The following TMEM98 variants were observed in gnomAD, a reference collection of about 807,000 sequenced individuals.
TMEM98 encodes transmembrane protein 98.
In TMEM98, 18 loss-of-function variants were observed where a neutral mutation model predicts 25.0. That is an observed-to-expected ratio of 0.72 (90% CI 0.50 to 1.07). The LOEUF (loss-of-function observed/expected upper bound fraction) is 1.07. TMEM98 is among the 50% of genes least tolerant of loss of function. The pLI is 0.00. For missense variants in TMEM98, 241 were observed against 289.0 expected, an observed-to-expected ratio of 0.83 and a Z score of 1.20; for synonymous variants, 103 against 112.4, an observed-to-expected ratio of 0.92 and a Z score of 0.53.
chr17:32,933,094 G>A, intron 3 of TMEM98, 80 bp from the exon 4 acceptor site: 2 of 1,568,734 alleles, frequency 1.3e-6, no homozygotes, highest in South Asian at 1.2e-5. Flanking sequence ...TTCTTTTATG[G>A]TGTATGTGGG....
At chr17:32,928,449 G>A (rs2091444788) in intron 1 of TMEM98, among the ~76,000 whole-genome samples, 1 of 148,160 alleles carries the variant, frequency 6.7e-6, no homozygotes, top group African/African-American at 2.6e-5. Context: ...GCGGGCTGGG[G>A]GTCCCTCCCT....
In TMEM98 at chr17:32,936,409, C is replaced by T; in HGVS notation, c.375C>T (p.Val125=). Residue 125 remains valine (V), a synonymous_variant, in exon 6 of 8, where the codon GTC becomes GTT. Coordinates refer to ENST00000579849, the MANE Select transcript of TMEM98 (RefSeq NM_015544.3). ...CCAAGATGAAGACTTCAGCCAGTGT[C>T]AGCGACATCATTGTGGTGGCCAAGC... ...SGAKMKTSAS[V]SDIIVVAKRI... is the part of the protein sequence containing the mutation. The T allele has an allele frequency of 6.2e-7, 1 of 1,614,214 alleles. No individual in the cohort carries two copies.
At position 32,941,947 on chromosome 17, in the gene TMEM98, T is replaced by C. The variant is rs1598206035; in HGVS notation, c.*954T>C. The C allele has an allele frequency of 6.6e-6, 1 of 151,998 alleles. No individual in the cohort carries two copies. Among genetic ancestry groups the C allele is most frequent in the Non-Finnish European group, 1.5e-5 (1 of 68,058 alleles). The allele number at this position is 151,998 out of a possible 1,614,324, so 9.4% of individuals were successfully genotyped here. A position where few individuals can be genotyped will look rare whatever the true frequency, so the allele number is the denominator to read the frequency against. ...CGTGCGGCTGCTTGGTAGGCTGAGG[T>C]GGGAGGATCGCTTGAGCCCAGGAGG... On this transcript the variant is annotated 3_prime_UTR_variant, in exon 8 of 8. Coordinates refer to ENST00000579849, the MANE Select transcript of TMEM98 (RefSeq NM_015544.3).
Position 32,931,462 on chromosome 17 carries a change from A to T in TMEM98, c.-54-13A>T. ...TCTTGACCAGATCTGCTCTGACTTC[A>T]TGTTCTCTCAAGCTTTAGCCCATGA... is the stretch of plus-strand genomic sequence containing the variant. On this transcript the variant is annotated splice_polypyrimidine_tract_variant and intron_variant, in intron 2 of 7. Coordinates refer to ENST00000579849, the MANE Select transcript of TMEM98 (RefSeq NM_015544.3). The T allele has an allele frequency of 1.3e-6, 2 of 1,564,492 alleles. No individual in the cohort carries two copies. Among genetic ancestry groups the T allele is most frequent in the South Asian group, 1.2e-5 (1 of 84,100 alleles).
Position 32,940,681 on chromosome 17 carries a change from G to T in TMEM98, c.474-105G>T. On this transcript the variant is annotated intron_variant, in intron 7 of 7. Transcript: ENST00000579849. ...ATACCTACCAACATCCTAGGGAAGG[G>T]TGTGCAGTTTGGGGAATACTAGTCA... 2 of 1,036,012 alleles carry T rather than the reference G, an allele frequency of 1.9e-6. 1 individual carries two copies. The highest frequency in any genetic ancestry group is 3.1e-5 in the South Asian group (2 of 65,266). 64.2% of individuals were successfully genotyped at this position (1,036,012 alleles called of 1,614,324 possible). A position where few individuals can be genotyped will look rare whatever the true frequency, so the allele number is the denominator to read the frequency against.
intron 1 of TMEM98, among the ~76,000 whole-genome samples, chr17:32,929,207 CAGA>C (rs947867630): frequency 4.8e-4 from 73 of 152,130 alleles, no homozygotes; most frequent in African/African-American, 1.7e-3. Context: ...CTCACACACT[CAGA>C]AGCACACTCT....
intron 6 of TMEM98, among the ~76,000 whole-genome samples, chr17:32,937,316 A>G (rs953831209): frequency 6.6e-6 from 1 of 152,082 alleles, no homozygotes; most frequent in African/African-American, 2.4e-5. Flanking sequence ...CTCTGCCTCA[A>G]GATTAACCAA....
intron 1 of TMEM98, among the ~76,000 whole-genome samples, chr17:32,928,769 A>C (rs114277244): frequency 1.9e-3 from 284 of 146,378 alleles, no homozygotes; most frequent in African/African-American, 7.3e-3. Flanking sequence ...CAAGCACACT[A>C]AGAAACATTC....
At chr17:32,933,380 C>A in intron 4 of TMEM98, 75 bp downstream of exon 4, 1 of 1,585,854 alleles carries the variant, frequency 6.3e-7, no homozygotes, top group Non-Finnish European at 8.6e-7. Flanking sequence ...TGCCAGAGCA[C>A]TTAGCTGGCA....
At chr17:32,929,275 A>G (rs772692767) in intron 1 of TMEM98, among the ~76,000 whole-genome samples, 2 of 151,362 alleles carry the variant, frequency 1.3e-5, no homozygotes, top group Non-Finnish European at 2.9e-5. Context: ...CACTAACACA[A>G]ACACACACGG....
chr17:32,934,480 CT>C (rs1367755427), intron 5 of TMEM98, 156 bp downstream of exon 5: 23 of 708,458 alleles, frequency 3.2e-5, no homozygotes, highest in Non-Finnish European at 4.8e-5. Flanking sequence ...ACTTCCCCCC[CT>C]GCCTGGACTG....
intron 6 of TMEM98, among the ~76,000 whole-genome samples, chr17:32,936,854 T>C (rs1171973631): frequency 6.6e-6 from 1 of 152,220 alleles, no homozygotes; most frequent in African/African-American, 2.4e-5. Context: ...TGTTGGAGAC[T>C]AGCTTGGGGG....
chr17:32,934,100 G>A (rs1045112709), intron 4 of TMEM98, among the ~76,000 whole-genome samples, 191 bp from the exon 5 acceptor site: 1 of 152,192 alleles, frequency 6.6e-6, no homozygotes, highest in East Asian at 1.9e-4. Flanking sequence ...GGTGCAGGGA[G>A]GGGAAGGGAA....
At chr17:32,931,960 A>G (rs1285446839) in intron 3 of TMEM98, among the ~76,000 whole-genome samples, 2 of 152,160 alleles carry the variant, frequency 1.3e-5, no homozygotes, top group Non-Finnish European at 2.9e-5. Flanking sequence ...TAGCATTTGG[A>G]TAAGCCAAAT....
chr17:32,933,229 G>T lies in TMEM98; in HGVS notation c.187G>T (p.Glu63Ter). 1 of 1,614,188 alleles carries T rather than the reference G, an allele frequency of 6.2e-7. No homozygotes were observed. The highest frequency in any genetic ancestry group is 8.5e-7 in the Non-Finnish European group (1 of 1,180,034). ...GACCCAGTCTGAGCCCTCTGAGTTA[G>T]AACTGGACGATGTCGTTATCACCAA... ...METQSEPSEL[E>*]LDDVVITNPH... Residue 63 changes from glutamate (E) to a stop codon, truncating the protein, a stop_gained, in exon 4 of 8, where the codon GAA becomes TAA. Coordinates refer to ENST00000579849, the MANE Select transcript of TMEM98 (RefSeq NM_015544.3). LOFTEE classifies it high-confidence loss of function.
At chr17:32,937,457 T>C (rs1208552429) in intron 6 of TMEM98, among the ~76,000 whole-genome samples, 1 of 152,140 alleles carries the variant, frequency 6.6e-6, no homozygotes, top group East Asian at 1.9e-4. Context: ...AGGGAGGGAC[T>C]CAGCTGAGAA....
intron 6 of TMEM98, 145 bp downstream of exon 6, chr17:32,936,592 C>T: frequency 1.4e-6 from 1 of 695,394 alleles, no homozygotes; most frequent in East Asian, 2.7e-5. Context: ...TACAGAGTGA[C>T]CAGGAGGGTT....
rs1418588171 is a variant in TMEM98 at position 32,933,191 on chromosome 17, T to G, written c.149T>G (p.Ile50Ser). Residue 50 changes from isoleucine (I) to serine (S), a missense_variant, in exon 4 of 8, where the codon ATT becomes AGT. Transcript: ENST00000579849. ...RYDSKPIVDL[I>S]GAMETQSEPS... is the part of the protein sequence containing the mutation. ...TCTTCCAGGCCCATTGTGGACCTCA[T>G]TGGTGCCATGGAGACCCAGTCTGAG... The G allele has an allele frequency of 6.2e-7, 1 of 1,614,114 alleles. No individual in the cohort carries two copies. The highest frequency in any genetic ancestry group is 8.5e-7 in the Non-Finnish European group (1 of 1,179,992).
intron 7 of TMEM98, 115 bp from the exon 8 acceptor site, chr17:32,940,671 C>G (rs537453443): frequency 1.0e-6 from 1 of 987,832 alleles, no homozygotes; most frequent in Non-Finnish European, 1.5e-6. Flanking sequence ...TACCAACATC[C>G]TAGGGAAGGG....
Sources: allele counts gnomAD v4.1 joint callset (sites outside exome capture counted in the v4.1 genomes callset), GRCh38; gene constraint gnomAD v4.1.1; transcripts MANE v1.5; gene names NCBI Gene and HGNC (gene_info 2026-07-23, HGNC 2026-07-21).